CIRSR: variants seen among roughly 807,000 people sequenced by gnomAD.
The protein encoded by CIRSR is CBF1 (RBPJ) interacting corepressor 1.
At chr2:174,385,043 C>G in the CIRSR span, among the ~76,000 whole-genome samples, 1 of 151,922 alleles carries the variant, frequency 6.6e-6, no homozygotes, top group African/African-American at 2.4e-5. Context: ...GTGAGAGACC[C>G]TGTCTCTACA....
the CIRSR span, among the ~76,000 whole-genome samples, chr2:174,357,987 G>C: frequency 3.3e-5 from 5 of 152,126 alleles, no homozygotes; most frequent in Admixed American, 6.6e-5. Context: ...CTGACACACT[G>C]CCAGTTCATC....
chr2:174,395,486 C>T, the CIRSR span: 9 of 1,493,688 alleles, frequency 6.0e-6, no homozygotes, highest in Non-Finnish European at 8.4e-6. Flanking sequence ...ATCACTTTCA[C>T]TTCCAGCAGC....
At chr2:174,362,261 G>A in the CIRSR span, among the ~76,000 whole-genome samples, 2 of 152,088 alleles carry the variant, frequency 1.3e-5, no homozygotes, top group African/African-American at 4.8e-5. Flanking sequence ...AGCTGCGACT[G>A]TGCCACTGCA....
chr2:174,367,781 TAA>T, the CIRSR span, among the ~76,000 whole-genome samples: 12 of 79,570 alleles, frequency 1.5e-4, no homozygotes, highest in Non-Finnish European at 2.1e-4. Flanking sequence ...TTTGAGTAGA[TAA>T]AAAAAAAAAA....
chr2:174,351,626 G>T, the CIRSR span: 1 of 1,611,850 alleles, frequency 6.2e-7, no homozygotes, highest in Non-Finnish European at 8.5e-7. Context: ...TACCTGTGAT[G>T]GATCATTTGC....
At chr2:174,361,373 C>A in the CIRSR span, among the ~76,000 whole-genome samples, 5 of 152,176 alleles carry the variant, frequency 3.3e-5, no homozygotes, top group Non-Finnish European at 5.9e-5. Flanking sequence ...GTAGGATTGC[C>A]AGAAGGGCAA....
the CIRSR span, among the ~76,000 whole-genome samples, chr2:174,366,545 AAAG>A: frequency 6.6e-6 from 1 of 152,246 alleles, no homozygotes; most frequent in African/African-American, 2.4e-5. Context: ...GGAAATATTA[AAAG>A]AAGCTCCTTA....
chr2:174,350,128 C>G, the CIRSR span, among the ~76,000 whole-genome samples: 6 of 151,882 alleles, frequency 4.0e-5, no homozygotes, highest in East Asian at 3.9e-4. Context: ...TTGAGTTACT[C>G]TGAAAATAAG....
chr2:174,387,746 T>C, the CIRSR span: 1 of 1,598,500 alleles, frequency 6.3e-7, no homozygotes, highest in Admixed American at 1.7e-5. Context: ...TGTTTCTTCT[T>C]ATCATATGAT....
the CIRSR span, among the ~76,000 whole-genome samples, chr2:174,374,233 G>C: frequency 6.6e-6 from 1 of 151,882 alleles, no homozygotes; most frequent in African/African-American, 2.4e-5. Flanking sequence ...TTTCTTTTTT[G>C]GTCAACCTTT....
chr2:174,353,385 T>C, the CIRSR span, among the ~76,000 whole-genome samples: 2 of 152,242 alleles, frequency 1.3e-5, no homozygotes, highest in Admixed American at 6.5e-5. Context: ...ACATTGATAA[T>C]ACAATCTTAA....
chr2:174,350,621 G>A, the CIRSR span: 1 of 1,364,710 alleles, frequency 7.3e-7, no homozygotes, highest in African/African-American at 1.5e-5. Context: ...TGAATACTAA[G>A]GAAAAAATAA....
At chr2:174,356,565 A>G in the CIRSR span, among the ~76,000 whole-genome samples, 7 of 144,822 alleles carry the variant, frequency 4.8e-5, no homozygotes, top group African/African-American at 1.7e-4. Flanking sequence ...GGAAGAAAGA[A>G]AGGAGAAAGA....
At chr2:174,383,174 T>C in the CIRSR span, among the ~76,000 whole-genome samples, 19 of 152,316 alleles carry the variant, frequency 1.2e-4, 1 homozygote, top group South Asian at 3.1e-3. Flanking sequence ...ATCTAATTTA[T>C]AGGTCATGTC....
chr2:174,348,656 G>A, the CIRSR span: 1 of 1,614,132 alleles, frequency 6.2e-7, no homozygotes, highest in Non-Finnish European at 8.5e-7. Context: ...CCCTTTGCTT[G>A]TAACTACCAG....
the CIRSR span, among the ~76,000 whole-genome samples, chr2:174,382,325 G>A: frequency 8.6e-5 from 13 of 152,002 alleles, no homozygotes; most frequent in African/African-American, 3.1e-4. Flanking sequence ...AAATTCTTTC[G>A]TGAGGCCAGT....
At chr2:174,360,924 T>C in the CIRSR span, among the ~76,000 whole-genome samples, 2 of 152,226 alleles carry the variant, frequency 1.3e-5, no homozygotes, top group Non-Finnish European at 2.9e-5. Flanking sequence ...TGAAGTACTA[T>C]GACTGGACAA....
At chr2:174,381,205 A>G in the CIRSR span, among the ~76,000 whole-genome samples, 1 of 152,242 alleles carries the variant, frequency 6.6e-6, no homozygotes, top group Non-Finnish European at 1.5e-5. Flanking sequence ...TTATCAGATT[A>G]GAAAGATATT....
chr2:174,387,682 T>C, the CIRSR span: 1 of 1,577,580 alleles, frequency 6.3e-7, no homozygotes, highest in Non-Finnish European at 8.6e-7. Flanking sequence ...CAGAATTTCT[T>C]ACCTATTATC....
Sources: allele counts gnomAD v4.1 joint callset (sites outside exome capture counted in the v4.1 genomes callset), GRCh38; gene constraint gnomAD v4.1.1; transcripts MANE v1.5; gene names NCBI Gene and HGNC (gene_info 2026-07-23, HGNC 2026-07-21).